Variants in DYSF observed in about 807,000 individuals in gnomAD.
DYSF encodes the protein dystrophy-associated fer-1-like 1.
DYSF carries 212 observed loss-of-function variants against 274.9 expected under a neutral mutation model. The ratio of observed to expected loss-of-function variants is 0.77; its 90% CI spans 0.69 to 0.86. DYSF has a LOEUF of 0.86. DYSF is among the 40% of genes least tolerant of loss of function. The pLI, the probability that DYSF is intolerant of heterozygous loss-of-function variation, is 0.00. For synonymous variants in DYSF, 1,091 were observed against 1,078.7 expected (o/e 1.01, Z -0.22); for missense variants, 2,666 against 2,783.2 (o/e 0.96, Z 0.95).
chr2:71,611,284 G>C lies in DYSF; in HGVS notation c.3997G>C (p.Glu1333Gln). ...TDLPYPPPQREANIYMVPQNI... is the reference protein window; with the variant it reads ...TDLPYPPPQRQANIYMVPQNI... ...CCTGCCCTACCCACCACCCCAGAGG[G>C]AGGCCAACATCTACATGGTTCCTCA... The change falls in exon 37 of 56, where the codon GAG (glutamate) becomes CAG (glutamine). Residue 1333 changes from glutamate to glutamine, a missense_variant. By Grantham distance (29) the Glu-to-Gln change is conservative. Coordinates refer to ENST00000410020, the MANE Select transcript of DYSF (RefSeq NM_001130987.2). The C allele has an allele frequency of 2.5e-6, 4 of 1,614,014 alleles. No individual in the cohort carries two copies. The highest frequency in any genetic ancestry group is 3.4e-6 in the Non-Finnish European group (4 of 1,179,916).
At chr2:71,494,574 T>C (rs900446877) in intron 3 of DYSF, among the ~76,000 whole-genome samples, 1 of 152,218 alleles carries the variant, frequency 6.6e-6, no homozygotes, top group Non-Finnish European at 1.5e-5. Flanking sequence ...TCCTTCCACA[T>C]GTACCAGGCT....
chr2:71,457,733 C>T (rs2152627327), intron 1 of DYSF, among the ~76,000 whole-genome samples: 1 of 152,270 alleles, frequency 6.6e-6, no homozygotes, highest in South Asian at 2.1e-4. Flanking sequence ...CAGGACGCTC[C>T]CTCCAGGCAG....
At chr2:71,474,869 A>G (rs144640467) in intron 1 of DYSF, among the ~76,000 whole-genome samples, 57 of 152,286 alleles carry the variant, frequency 3.7e-4, no homozygotes, top group African/African-American at 1.4e-3. Flanking sequence ...CAAGTGTGCA[A>G]CTCATGAGAG....
chr2:71,570,430 A>C, intron 28 of DYSF, 96 bp downstream of exon 28: 1 of 1,458,972 alleles, frequency 6.9e-7, no homozygotes. Flanking sequence ...TCACTGGGCT[A>C]TTTCACCCAG....
Position 71,674,211 on chromosome 2 carries a change from G to T in DYSF, c.5799G>T (p.Arg1933Ser), listed in dbSNP as rs1415079254. The T allele has an allele frequency of 3.1e-6, 5 of 1,614,196 alleles. No homozygotes were observed. The highest frequency in any genetic ancestry group is 1.7e-4 in the Middle Eastern group (1 of 6,056). ...TTCCGGGTCAGGATGCCTTCTGGAGGCTGGACAAGACTGAGAGCAAAATCC... is the reference window on the plus strand; with the variant it reads ...TTCCGGGTCAGGATGCCTTCTGGAGTCTGGACAAGACTGAGAGCAAAATCC... ...CTIAKKDAFW[R>S]LDKTESKIPA... Residue 1933 changes from arginine to serine, a missense_variant, in exon 52 of 56, where the codon AGG becomes AGT. Physicochemically the swap from Arg to Ser is moderately radical, Grantham distance 110. This residue lies in a region of DYSF where 1,460 missense variants were observed against 1,502.1 expected (regional missense o/e 0.97). Transcript: ENST00000410020.
At chr2:71,476,447 A>G (rs2082398799) in intron 1 of DYSF, among the ~76,000 whole-genome samples, 1 of 151,782 alleles carries the variant, frequency 6.6e-6, no homozygotes, top group African/African-American at 2.4e-5. Flanking sequence ...AGGCTGAGGC[A>G]TGAGAATCGC....
At chr2:71,588,074 C>T (rs1193215618) in intron 30 of DYSF, among the ~76,000 whole-genome samples, 1 of 152,180 alleles carries the variant, frequency 6.6e-6, no homozygotes, top group Non-Finnish European at 1.5e-5. Flanking sequence ...GTTGACGGCA[C>T]CTCTGGCTGT....
intron 3 of DYSF, among the ~76,000 whole-genome samples, chr2:71,494,648 A>T (rs1453424243): frequency 6.6e-6 from 1 of 152,124 alleles, no homozygotes; most frequent in African/African-American, 2.4e-5. Flanking sequence ...CCACGCATTG[A>T]TCCCTACCTG....
At chr2:71,526,421 C>CGGGGGGGGGGGGGGGGGGGTTGGGG in intron 13 of DYSF, 75 bp downstream of exon 13, 7 of 272,064 alleles carry the variant, frequency 2.6e-5, no homozygotes, top group East Asian at 9.7e-5. Flanking sequence ...TGGGCGATGG[C>CGGGGGGGGGGGGGGGGGGGTTGGGG]GGGCGGGGTC....
intron 30 of DYSF, among the ~76,000 whole-genome samples, chr2:71,577,680 T>A (rs1036876926): frequency 5.3e-4 from 80 of 151,052 alleles, no homozygotes; most frequent in Non-Finnish European, 1.2e-4. Flanking sequence ...CCACACACAC[T>A]CTTTCACACT....
At chr2:71,570,858 A>G in intron 29 of DYSF, 117 bp downstream of exon 29, 1 of 1,450,004 alleles carries the variant, frequency 6.9e-7, no homozygotes, top group Middle Eastern at 1.8e-4. Context: ...ATGCACAGAC[A>G]CCTGGGACTC....
At chr2:71,525,487 G>A (rs184158719) in intron 12 of DYSF, among the ~76,000 whole-genome samples, 13 of 152,300 alleles carry the variant, frequency 8.5e-5, no homozygotes, top group African/African-American at 2.9e-4. Context: ...GCCTCCCAGA[G>A]TGCTAGGATT....
chr2:71,631,986 C>A lies in DYSF; in HGVS notation c.4527+11377C>A, dbSNP rs6752900. 7.3e-3 allele frequency among the ~76,000 whole-genome samples: 1,118 copies of A among 152,178 alleles called. 18 individuals carry two copies. Among genetic ancestry groups the A allele is most frequent in the African/African-American group, 0.026 (1,067 of 41,506 alleles). On this transcript the variant is annotated intron_variant, in intron 41 of 55. Transcript: ENST00000410020. ...TCCTGACATAACCCCTCCACCACCC[C>A]CTGCCCCAAGAGGTCTTTCCCCTGG... is the stretch of plus-strand genomic sequence containing the variant.
At chr2:71,652,837 G>T (rs1040010615) in intron 42 of DYSF, among the ~76,000 whole-genome samples, 1 of 152,168 alleles carries the variant, frequency 6.6e-6, no homozygotes, top group Non-Finnish European at 1.5e-5. Flanking sequence ...ACAAAAGGAG[G>T]CGTGAGCATT....
chr2:71,549,216 A>C (rs934061), intron 17 of DYSF: 2 of 810,640 alleles, frequency 2.5e-6, no homozygotes, highest in Non-Finnish European at 4.2e-6. Flanking sequence ...GCCTCGGGCC[A>C]CATCTGTTTC....
Position 71,539,214 on chromosome 2 carries a change from C to A in DYSF, c.1551C>A (p.Ile517=). ...VATTYLSMSK[I]SAPGGEIEVD... is the part of the protein sequence containing the mutation. ...CCACCTACCTGAGTATGTCGAAAAT[C>A]TCTGCCCCTGGAGGAGAAATAGAAG... is the stretch of plus-strand genomic sequence containing the variant. The change falls in exon 17 of 56, where the codon ATC becomes ATA. Residue 517 remains isoleucine (I), a synonymous_variant. Coordinates refer to ENST00000410020, the MANE Select transcript of DYSF (RefSeq NM_001130987.2). The A allele has an allele frequency of 6.2e-7, 1 of 1,614,142 alleles. No homozygotes were observed. Among genetic ancestry groups the A allele is most frequent in the Non-Finnish European group, 8.5e-7 (1 of 1,180,018 alleles).
chr2:71,518,005 T>A (rs918993322), intron 10 of DYSF, among the ~76,000 whole-genome samples: 1 of 152,152 alleles, frequency 6.6e-6, no homozygotes, highest in African/African-American at 2.4e-5. Context: ...CTGGCCATCT[T>A]GGGCCAGTGA....
chr2:71,466,340 C>G (rs1253539237), upstream of DYSF, among the ~76,000 whole-genome samples: 1 of 152,254 alleles, frequency 6.6e-6, no homozygotes, highest in Admixed American at 6.5e-5. Context: ...GCACTCCTGC[C>G]TCCTTCTCAC....
intron 17 of DYSF, among the ~76,000 whole-genome samples, chr2:71,549,056 T>A (rs1002447587): frequency 3.3e-5 from 5 of 152,210 alleles, no homozygotes; most frequent in Non-Finnish European, 5.9e-5. Flanking sequence ...GAATCAAGTT[T>A]CGGGTCTGGT....
Sources: gnomAD v4.1 joint callset for allele counts (sites outside exome capture counted in the v4.1 genomes callset) on GRCh38, gnomAD v4.1.1 for gene constraint, gnomAD v4.1.1 regional missense constraint, MANE v1.5 for transcripts, NCBI Gene and HGNC (gene_info 2026-07-23, HGNC 2026-07-21) for gene names.